The following PABPN1L variants were observed in gnomAD, a reference collection of about 807,000 sequenced individuals.
The protein encoded by PABPN1L is PABPN1 like, cytoplasmic.
PABPN1L carries 45 observed loss-of-function variants against 34.0 expected under a neutral mutation model. The ratio of observed to expected loss-of-function variants is 1.32; its 90% CI spans 1.04 to 1.70. PABPN1L has a LOEUF of 1.70. Ranked by LOEUF, PABPN1L falls within the 40% of genes most tolerant of loss-of-function variation. The pLI, the probability that PABPN1L is intolerant of heterozygous loss-of-function variation, is 0.00. For missense variants in PABPN1L, 459 were observed against 367.8 expected (o/e 1.25, Z -2.03); for synonymous variants, 182 against 152.1 (o/e 1.20, Z -1.45).
chr16:88,864,415 AGCAGCCGAGACCCAGCTCACAGCCCCC>A, intron 5 of PABPN1L, 36 bp from the exon 6 acceptor site: 2 of 1,539,462 alleles, frequency 1.3e-6, no homozygotes, highest in Non-Finnish European at 1.8e-6. Flanking sequence ...CTCCTCAAGG[AGCAGCCGAGACCCAGCTCACAGCCCCC>A]GCAGCCCCCA....
chr16:88,866,393 G>A (rs1442300715), exon 1 of PABPN1L: 2 of 1,550,964 alleles, frequency 1.3e-6, no homozygotes, highest in Non-Finnish European at 8.7e-7. Flanking sequence ...TCTTGCTCCA[G>A]CAGAGACAGC....
intron 6 of PABPN1L, 24 bp downstream of exon 6, chr16:88,864,213 C>A: frequency 6.6e-7 from 1 of 1,511,148 alleles, no homozygotes; most frequent in South Asian, 1.2e-5. Flanking sequence ...CGCCCCCAGG[C>A]TGCCCCCACA....
chr16:88,865,454 T>A, intron 3 of PABPN1L, 109 bp downstream of exon 3: 2 of 1,385,336 alleles, frequency 1.4e-6, no homozygotes, highest in Non-Finnish European at 2.0e-6. Flanking sequence ...GCCCCCAGGG[T>A]CAGACCCCCT....
In PABPN1L at chr16:88,866,444, C is replaced by T. The variant is rs1968598015; in HGVS notation, c.163G>A (p.Glu55Lys). 2.6e-6 allele frequency: 4 copies of T among 1,551,646 alleles called. No homozygotes were observed. The African/African-American group carries it at 4.1e-5, about 16-fold the overall frequency. ...CCATCCTGGTCTTCCTCTGCATCCT[C>T]TTCCTCCTCTTTCTCCTCCTTCCCT... The change falls in exon 1 of 7, where the codon GAG becomes AAG. Residue 55 changes from glutamate (E) to lysine (K), a missense_variant. By Grantham distance (56) the Glu-to-Lys change is moderately conservative. Transcript: ENST00000419291.
chr16:88,866,042 A>AG (rs34624810), intron 1 of PABPN1L, 101 bp from the exon 2 acceptor site: 1 of 1,446,612 alleles, frequency 6.9e-7, no homozygotes, highest in African/African-American at 1.4e-5. Flanking sequence ...CACAGCCCCA[A>AG]GGGGCAGCCC....
upstream of PABPN1L, among the ~76,000 whole-genome samples, chr16:88,868,914 GCTC>G (rs1384079515): frequency 6.6e-6 from 1 of 152,224 alleles, no homozygotes; most frequent in African/African-American, 2.4e-5. Context: ...GGTAACGTTA[GCTC>G]TGTCCTTTGT....
intron 5 of PABPN1L, among the ~76,000 whole-genome samples, chr16:88,864,651 G>A (rs1229863153): frequency 1.3e-5 from 2 of 148,750 alleles, no homozygotes; most frequent in Non-Finnish European, 3.0e-5. Context: ...GCCCGAGAGG[G>A]GACACTTCCC....
At position 88,864,223 on chromosome 16, in the gene PABPN1L, A is replaced by T; in HGVS notation, c.797+14T>A. 1 of 1,514,086 alleles carries T rather than the reference A, an allele frequency of 6.6e-7. No homozygotes were observed. The highest frequency in any genetic ancestry group is 8.8e-7 in the Non-Finnish European group (1 of 1,133,254). 93.8% of individuals were successfully genotyped at this position (1,514,086 alleles called of 1,614,324 possible). A position where few individuals can be genotyped will look rare whatever the true frequency, so the allele number is the denominator to read the frequency against. Reference sequence around the variant, plus strand: ...GCCCTCGCCCCCAGGCTGCCCCCACAGGCACCCACTCACCGGTTCTGCCCT... The same window carrying T: ...GCCCTCGCCCCCAGGCTGCCCCCACTGGCACCCACTCACCGGTTCTGCCCT... On this transcript the variant is annotated intron_variant, in intron 6 of 6. Coordinates refer to ENST00000419291, the Ensembl canonical transcript of PABPN1L.
upstream of PABPN1L, among the ~76,000 whole-genome samples, chr16:88,867,957 C>T (rs994949828): frequency 2.6e-5 from 4 of 152,216 alleles, no homozygotes; most frequent in Non-Finnish European, 4.4e-5. Context: ...GACTGCACCC[C>T]GGTGTTTAGC....
upstream of PABPN1L, among the ~76,000 whole-genome samples, chr16:88,868,504 G>A (rs952082855): frequency 1.3e-5 from 2 of 152,190 alleles, no homozygotes; most frequent in African/African-American, 4.8e-5. Flanking sequence ...TACTTGGGAG[G>A]CTGAGGCAGG....
upstream of PABPN1L, among the ~76,000 whole-genome samples, chr16:88,867,288 C>T (rs1440995226): frequency 3.3e-5 from 5 of 149,634 alleles, no homozygotes; most frequent in African/African-American, 7.4e-5. Context: ...AGTGCGGTGG[C>T]GCGATCTCGG....
chr16:88,865,511 T>G, intron 3 of PABPN1L, 52 bp downstream of exon 3: 1 of 1,578,766 alleles, frequency 6.3e-7, no homozygotes, highest in African/African-American at 1.4e-5. Flanking sequence ...GACCCTCTGG[T>G]AGAGATGGGG....
At chr16:88,864,961 G>GGGAGT (rs1298871268) in intron 4 of PABPN1L, 21 bp from the exon 5 acceptor site, 1 of 1,606,100 alleles carries the variant, frequency 6.2e-7, no homozygotes, top group South Asian at 1.1e-5. Context: ...GGGCAGGGAG[G>GGGAGT]GGAGGGGTGA....
At position 88,865,633 on chromosome 16, in the gene PABPN1L, G is replaced by T; in HGVS notation, c.392-3C>A. 2 of 1,606,462 alleles carry T rather than the reference G, an allele frequency of 1.2e-6. No individual in the cohort carries two copies. Among genetic ancestry groups the T allele is most frequent in the South Asian group, 2.2e-5 (2 of 90,246 alleles). ...GGGGGTCCCAGAGAGGGGGCAGCCT[G>T]CGGAGAACACAGCTCAGGCCCGCAG... On this transcript the variant is annotated splice_region_variant and splice_polypyrimidine_tract_variant and intron_variant, in intron 2 of 6. Transcript: ENST00000419291.
chr16:88,865,232 G>A (rs1383294593), intron 3 of PABPN1L, 104 bp from the exon 4 acceptor site: 20 of 1,264,266 alleles, frequency 1.6e-5, no homozygotes, highest in East Asian at 5.1e-5. Context: ...GCCCCGTGGC[G>A]GGGATGGCCC....
chr16:88,869,212 G>A (rs143795386), upstream of PABPN1L, among the ~76,000 whole-genome samples: 1 of 152,306 alleles, frequency 6.6e-6, no homozygotes, highest in East Asian at 1.9e-4. Flanking sequence ...AGACCATGCT[G>A]TCACCCCATC....
exon 4 of PABPN1L, chr16:88,865,063 T>G: frequency 6.3e-7 from 1 of 1,597,340 alleles, no homozygotes. Flanking sequence ...GGATCGTGAC[T>G]CGGTGGACCT....
At chr16:88,868,466 C>T (rs893416784), upstream of PABPN1L, among the ~76,000 whole-genome samples, 6 of 152,224 alleles carry the variant, frequency 3.9e-5, no homozygotes, top group Admixed American at 2.6e-4. Flanking sequence ...ATTAGCCAGG[C>T]ATGGTGGCGG....
exon 7 of PABPN1L, chr16:88,863,550 A>G: frequency 1.5e-6 from 1 of 685,118 alleles, no homozygotes; most frequent in South Asian, 1.6e-5. Context: ...CGTGGCTGTG[A>G]CTCGTGGCTG....
Sources: gnomAD v4.1 joint callset for allele counts (sites outside exome capture counted in the v4.1 genomes callset) on GRCh38, gnomAD v4.1.1 for gene constraint, MANE v1.5 for transcripts, NCBI Gene and HGNC (gene_info 2026-07-23, HGNC 2026-07-21) for gene names.